Variants in HS6ST3 observed in about 807,000 individuals in gnomAD.
HS6ST3 encodes the protein heparan-sulfate 6-O-sulfotransferase 3.
In HS6ST3, 12 loss-of-function variants were observed where a neutral mutation model predicts 36.7. That is an observed-to-expected ratio of 0.33 (90% CI 0.21 to 0.53). The LOEUF (loss-of-function observed/expected upper bound fraction) is 0.53, where lower values mean the gene tolerates loss of function less well. Among genes scored for constraint, HS6ST3 ranks in the 20% least tolerant of loss-of-function variants. The pLI is 0.95. For missense variants in HS6ST3, 584 were observed against 640.9 expected (o/e 0.91, Z 0.96); for synonymous variants, 240 against 257.5 (o/e 0.93, Z 0.65).
chr13:96,628,692 T>G (rs2056521397), intron 1 of HS6ST3, among the ~76,000 whole-genome samples: 2 of 152,118 alleles, frequency 1.3e-5, no homozygotes, highest in Non-Finnish European at 2.9e-5. Context: ...AATCACTATG[T>G]CTAACTGGTT....
intron 1 of HS6ST3, among the ~76,000 whole-genome samples, chr13:96,782,055 G>T (rs1227562365): frequency 2.0e-5 from 3 of 151,948 alleles, no homozygotes; most frequent in African/African-American, 7.3e-5. Flanking sequence ...AAATGATAAG[G>T]CATATTTTGT....
chr13:96,565,680 G>A (rs1594808174), intron 1 of HS6ST3, among the ~76,000 whole-genome samples: 4 of 152,282 alleles, frequency 2.6e-5, no homozygotes, highest in Admixed American at 2.6e-4. Flanking sequence ...AACAAATTCA[G>A]TGGCTCCAAA....
intron 1 of HS6ST3, among the ~76,000 whole-genome samples, chr13:96,328,393 G>A (rs1206625064): frequency 4.0e-5 from 6 of 151,868 alleles, no homozygotes; most frequent in Non-Finnish European, 8.8e-5. Flanking sequence ...AGCATGAAGG[G>A]TTGTTGAATT....
In HS6ST3 at chr13:96,439,147, G is replaced by T. The variant is rs1184948881; in HGVS notation, c.707+347578G>T. Reference sequence around the variant, plus strand: ...TATTAGATCTTATATTTGAGTGTGGGCCACATTTTTTAGTGGAAAGAACAG... The same window carrying T: ...TATTAGATCTTATATTTGAGTGTGGTCCACATTTTTTAGTGGAAAGAACAG... On this transcript the variant is annotated intron_variant, in intron 1 of 1. Coordinates refer to ENST00000376705, the MANE Select transcript of HS6ST3 (RefSeq NM_153456.4). Among the ~76,000 whole-genome samples, 8 of 152,284 alleles carry T rather than the reference G, an allele frequency of 5.3e-5. No homozygotes were observed. The East Asian group carries it at 1.5e-3, about 29-fold the overall frequency.
At chr13:96,588,098 T>C (rs1158858129) in intron 1 of HS6ST3, among the ~76,000 whole-genome samples, 1 of 152,214 alleles carries the variant, frequency 6.6e-6, no homozygotes, top group Non-Finnish European at 1.5e-5. Context: ...TTGCTGATTT[T>C]ATATGCTACT....
intron 1 of HS6ST3, among the ~76,000 whole-genome samples, chr13:96,649,519 A>T (rs935996525): frequency 3.9e-5 from 6 of 151,986 alleles, no homozygotes; most frequent in Non-Finnish European, 7.4e-5. Context: ...AAACAAAGAA[A>T]ACCTTTGAAT....
intron 1 of HS6ST3, among the ~76,000 whole-genome samples, chr13:96,207,977 C>G (rs2054380401): frequency 6.6e-6 from 1 of 151,952 alleles, no homozygotes; most frequent in Admixed American, 6.6e-5. Flanking sequence ...CACATGTACA[C>G]CAGAACTTAA....
intron 1 of HS6ST3, among the ~76,000 whole-genome samples, chr13:96,820,871 T>G (rs1878519749): frequency 1.3e-5 from 2 of 152,260 alleles, no homozygotes; most frequent in South Asian, 4.1e-4. Context: ...CTGAACACTT[T>G]TCTGAGTCTT....
chr13:96,675,654 A>G (rs2056696687), intron 1 of HS6ST3, among the ~76,000 whole-genome samples: 1 of 152,180 alleles, frequency 6.6e-6, no homozygotes, highest in African/African-American at 2.4e-5. Flanking sequence ...TTTCAAAACA[A>G]TGTAAGACCC....
intron 1 of HS6ST3, among the ~76,000 whole-genome samples, chr13:96,567,094 A>G (rs976735012): frequency 2.6e-5 from 4 of 152,144 alleles, no homozygotes; most frequent in Admixed American, 2.0e-4. Context: ...ACCATTGTTT[A>G]GTATCACTTT....
At chr13:96,517,594 C>T (rs2138924621) in intron 1 of HS6ST3, among the ~76,000 whole-genome samples, 1 of 152,128 alleles carries the variant, frequency 6.6e-6, no homozygotes, top group African/African-American at 2.4e-5. Flanking sequence ...GCTACATTTT[C>T]CTTTTTTTCT....
intron 1 of HS6ST3, among the ~76,000 whole-genome samples, chr13:96,197,246 C>T (rs2054318823): frequency 6.6e-6 from 1 of 152,082 alleles, no homozygotes; most frequent in African/African-American, 2.4e-5. Context: ...AGAATCATAG[C>T]AGTGGCAAGA....
At chr13:96,177,068 A>G (rs1379823478) in intron 1 of HS6ST3, among the ~76,000 whole-genome samples, 2 of 152,212 alleles carry the variant, frequency 1.3e-5, no homozygotes, top group Non-Finnish European at 2.9e-5. Flanking sequence ...AACCACAATG[A>G]GATACCATCT....
At chr13:96,556,236 A>G (rs188306862) in intron 1 of HS6ST3, among the ~76,000 whole-genome samples, 29 of 152,274 alleles carry the variant, frequency 1.9e-4, no homozygotes, top group African/African-American at 6.5e-4. Context: ...TTGGTATTAG[A>G]ATAGGAGGGG....
intron 1 of HS6ST3, among the ~76,000 whole-genome samples, chr13:96,714,652 G>T (rs921925026): frequency 6.6e-6 from 1 of 152,122 alleles, no homozygotes; most frequent in Non-Finnish European, 1.5e-5. Flanking sequence ...ACATAGCCTA[G>T]AACAATGCTT....
intron 1 of HS6ST3, among the ~76,000 whole-genome samples, chr13:96,745,523 T>C (rs567835232): frequency 2.0e-5 from 3 of 152,220 alleles, no homozygotes; most frequent in Admixed American, 6.5e-5. Context: ...GCTGGAGCCA[T>C]TTACATTTCA....
intron 1 of HS6ST3, among the ~76,000 whole-genome samples, chr13:96,687,956 C>G (rs9516736): frequency 0.99 from 149,200 of 151,460 alleles, 73,524 homozygotes; most frequent in Middle Eastern, 1. Flanking sequence ...TCTTAGCAAA[C>G]TATCACAAGG....
chr13:96,791,509 A>G (rs1377329606), intron 1 of HS6ST3, among the ~76,000 whole-genome samples: 1 of 151,944 alleles, frequency 6.6e-6, no homozygotes, highest in Non-Finnish European at 1.5e-5. Context: ...ACAAAAAACC[A>G]TCAAACTTGA....
intron 1 of HS6ST3, among the ~76,000 whole-genome samples, chr13:96,769,734 CTGTGTGTGTGTGTGTG>C (rs66777701): frequency 4.6e-4 from 65 of 140,306 alleles, no homozygotes; most frequent in Middle Eastern, 3.6e-3. Context: ...ATTCCTAGCT[CTGTGTGTGTGTGTGTG>C]TGTGTGTGTG....
Sources: allele counts gnomAD v4.1 joint callset (sites outside exome capture counted in the v4.1 genomes callset), GRCh38; gene constraint gnomAD v4.1.1; transcripts MANE v1.5; gene names NCBI Gene and HGNC (gene_info 2026-07-23, HGNC 2026-07-21).